Variants in CADM2 observed in about 807,000 individuals in gnomAD.
CADM2 encodes the protein immunoglobulin superfamily member 4D.
A neutral mutation model predicts 49.8 loss-of-function variants in CADM2; 12 were observed. The observed-to-expected ratio is 0.24, with a 90% CI of 0.15 to 0.39. The LOEUF (loss-of-function observed/expected upper bound fraction) is 0.39, where lower values mean the gene tolerates loss of function less well. Ranked by LOEUF, CADM2 falls within the 10% of genes least tolerant of loss-of-function variation. The pLI is 1.00. For missense variants in CADM2, 378 were observed against 492.3 expected (o/e 0.77, Z 2.20); for synonymous variants, 214 against 175.4 (o/e 1.22, Z -1.74).
At chr3:85,769,622 A>T (rs200456206) in intron 2 of CADM2, among the ~76,000 whole-genome samples, 1 of 44,742 alleles carries the variant, frequency 2.2e-5, no homozygotes, top group African/African-American at 6.7e-5. Flanking sequence ...ATACATATAT[A>T]GTATATATAT....
At chr3:85,720,603 T>C (rs1164130164) in intron 1 of CADM2, among the ~76,000 whole-genome samples, 1 of 152,174 alleles carries the variant, frequency 6.6e-6, no homozygotes, top group Non-Finnish European at 1.5e-5. Context: ...AAATAAAAAC[T>C]AGTGAAATAA....
chr3:85,701,910 TATAA>T (rs1458832448), intron 1 of CADM2, among the ~76,000 whole-genome samples: 5 of 132,888 alleles, frequency 3.8e-5, no homozygotes, highest in African/African-American at 1.5e-4. Context: ...GATAGATAGA[TATAA>T]AGAAAAAGGA....
chr3:85,246,641 C>T (rs2042655309), intron 1 of CADM2, among the ~76,000 whole-genome samples: 1 of 151,430 alleles, frequency 6.6e-6, no homozygotes. Flanking sequence ...TTTAATAATT[C>T]AGAGTCTGTA....
chr3:85,657,943 A>C (rs781373454), intron 1 of CADM2, among the ~76,000 whole-genome samples: 25 of 151,888 alleles, frequency 1.6e-4, no homozygotes, highest in Non-Finnish European at 2.8e-4. Context: ...GAGATTGAAC[A>C]CACTAATTGA....
At chr3:84,998,015 C>T (rs2033265603) in intron 1 of CADM2, among the ~76,000 whole-genome samples, 1 of 152,046 alleles carries the variant, frequency 6.6e-6, no homozygotes, top group African/African-American at 2.4e-5. Flanking sequence ...GTGTTGGGTT[C>T]TGTGTTTTGC....
At chr3:85,967,798 T>G (rs933561749) in intron 8 of CADM2, among the ~76,000 whole-genome samples, 25 of 151,664 alleles carry the variant, frequency 1.6e-4, no homozygotes, top group African/African-American at 5.8e-4. Context: ...CAGGTCACAC[T>G]GAGAACTAGG....
chr3:85,478,712 A>T (rs912526009), intron 1 of CADM2, among the ~76,000 whole-genome samples: 9 of 151,928 alleles, frequency 5.9e-5, no homozygotes, highest in Non-Finnish European at 1.3e-4. Context: ...AATTACATTG[A>T]AATCTGGCGA....
intron 1 of CADM2, among the ~76,000 whole-genome samples, chr3:85,499,775 G>A (rs942719088): frequency 4.1e-4 from 62 of 152,042 alleles, no homozygotes; most frequent in African/African-American, 9.7e-4. Context: ...GCTGTCTTAA[G>A]ATTTAATTAT....
At chr3:85,683,486 G>A (rs557690254) in intron 1 of CADM2, among the ~76,000 whole-genome samples, 6 of 152,188 alleles carry the variant, frequency 3.9e-5, no homozygotes, top group African/African-American at 1.4e-4. Context: ...TATTGATCCT[G>A]CTCTACTTAT....
At chr3:85,841,569 T>C (rs2074639301) in intron 3 of CADM2, among the ~76,000 whole-genome samples, 1 of 152,054 alleles carries the variant, frequency 6.6e-6, no homozygotes, top group Non-Finnish European at 1.5e-5. Context: ...TAAACTAAAG[T>C]CTGATAGCTT....
At chr3:85,558,842 A>G (rs2062022548) in intron 1 of CADM2, among the ~76,000 whole-genome samples, 1 of 152,114 alleles carries the variant, frequency 6.6e-6, no homozygotes, top group African/African-American at 2.4e-5. Flanking sequence ...CAAAACAATC[A>G]TGGAGAGAAG....
intron 6 of CADM2, among the ~76,000 whole-genome samples, chr3:85,928,181 A>G (rs1489565286): frequency 7.0e-6 from 1 of 143,004 alleles, no homozygotes; most frequent in African/African-American, 2.6e-5. Flanking sequence ...TTTTTTTGAA[A>G]TGGAGTCTTG....
At chr3:85,284,823 G>A (rs2043588110) in intron 1 of CADM2, among the ~76,000 whole-genome samples, 1 of 151,958 alleles carries the variant, frequency 6.6e-6, no homozygotes, top group South Asian at 2.1e-4. Flanking sequence ...GAGGTGGGTA[G>A]TCATGTTTTG....
At chr3:85,098,566 T>A (rs2037891479) in intron 1 of CADM2, among the ~76,000 whole-genome samples, 1 of 152,146 alleles carries the variant, frequency 6.6e-6, no homozygotes, top group African/African-American at 2.4e-5. Flanking sequence ...ATCTCCTTAT[T>A]TTCTAGAAGG....
At chr3:84,967,699 A>T (rs1485059846) in intron 1 of CADM2, among the ~76,000 whole-genome samples, 1 of 152,072 alleles carries the variant, frequency 6.6e-6, no homozygotes, top group Admixed American at 6.6e-5. Context: ...ATGGGGAATG[A>T]AGAATAAAGA....
chr3:85,504,793 G>A (rs889641353), intron 1 of CADM2, among the ~76,000 whole-genome samples: 4 of 152,224 alleles, frequency 2.6e-5, no homozygotes, highest in African/African-American at 9.6e-5. Flanking sequence ...CTCAGGCATG[G>A]CGGTCTGCAG....
intron 1 of CADM2, among the ~76,000 whole-genome samples, chr3:85,676,317 A>G (rs1290846893): frequency 6.6e-6 from 1 of 151,958 alleles, no homozygotes; most frequent in Non-Finnish European, 1.5e-5. Context: ...CAAATAGAAA[A>G]CTCGAATTCC....
intron 1 of CADM2, among the ~76,000 whole-genome samples, chr3:85,669,429 A>T (rs1220840538): frequency 6.6e-6 from 1 of 152,190 alleles, no homozygotes; most frequent in Non-Finnish European, 1.5e-5. Flanking sequence ...GAGCATATAG[A>T]GTGTGACACT....
At position 85,476,353 on chromosome 3, in the gene CADM2, T is replaced by TA. The variant is rs2038973821; in HGVS notation, c.62-250168dup. 2.0e-5 allele frequency among the ~76,000 whole-genome samples: 3 copies of TA among 152,048 alleles called. No homozygotes were observed. In the South Asian group the frequency reaches 6.2e-4, roughly 32 times the overall value. On this transcript the variant is annotated intron_variant, in intron 1 of 9. Transcript: ENST00000383699. ...CTTCCCTGTATTAAACTCTAAATGTTAGAGTTTAGCACCCCATGTCTTTTT... is the reference window on the plus strand; with the variant it reads ...CTTCCCTGTATTAAACTCTAAATGTTAAGAGTTTAGCACCCCATGTCTTTTT...
Sources: gnomAD v4.1 joint callset for allele counts (sites outside exome capture counted in the v4.1 genomes callset) on GRCh38, gnomAD v4.1.1 for gene constraint, MANE v1.5 for transcripts, NCBI Gene and HGNC (gene_info 2026-07-23, HGNC 2026-07-21) for gene names.